ST8SIA2: variants seen among roughly 807,000 people sequenced by gnomAD.
ST8SIA2 encodes alpha-2,8-sialyltransferase 8B.
Under a neutral mutation model 37.6 loss-of-function variants are expected in ST8SIA2, and 22 were observed. The ratio of observed to expected loss-of-function variants is 0.58; its 90% confidence interval spans 0.42 to 0.83. ST8SIA2 has a LOEUF of 0.83. Among genes scored for constraint, ST8SIA2 ranks in the 40% least tolerant of loss-of-function variants. The pLI is 0.00. For missense variants in ST8SIA2, 382 were observed against 484.7 expected (o/e 0.79, Z 1.99); for synonymous variants, 205 against 201.2 (o/e 1.02, Z -0.16).
intron 2 of ST8SIA2, among the ~76,000 whole-genome samples, chr15:92,430,789 G>A (rs750560705): frequency 7.9e-5 from 12 of 152,092 alleles, no homozygotes; most frequent in East Asian, 5.8e-4. Flanking sequence ...CTTAAGGAGC[G>A]GTGGAAGGAA....
intron 5 of ST8SIA2, 28 bp from the exon 6 acceptor site, chr15:92,464,072 C>CTTT (rs34156050): frequency 0.015 from 18,791 of 1,247,706 alleles, 167 homozygotes; most frequent in South Asian, 0.03. Context: ...TGTTTCTTTT[C>CTTT]TTTTTTTTTT....
intron 4 of ST8SIA2, among the ~76,000 whole-genome samples, chr15:92,443,156 GT>G (rs2049815387): frequency 6.6e-6 from 1 of 152,156 alleles, no homozygotes; most frequent in Non-Finnish European, 1.5e-5. Context: ...GGATTTCTTC[GT>G]TTGATGATGA....
intron 5 of ST8SIA2, among the ~76,000 whole-genome samples, chr15:92,451,312 C>G (rs1053803959): frequency 6.6e-5 from 10 of 152,116 alleles, no homozygotes; most frequent in African/African-American, 2.4e-4. Flanking sequence ...GTTAGAAGAC[C>G]ACGGCAGGCA....
intron 1 of ST8SIA2, among the ~76,000 whole-genome samples, chr15:92,398,977 G>A (rs758815076): frequency 2.0e-5 from 3 of 152,204 alleles, no homozygotes; most frequent in African/African-American, 7.2e-5. Context: ...GAGGACCAGA[G>A]GAGGACTCTG....
intron 1 of ST8SIA2, among the ~76,000 whole-genome samples, chr15:92,398,853 T>C (rs1350189674): frequency 2.0e-5 from 3 of 152,212 alleles, no homozygotes; most frequent in African/African-American, 7.2e-5. Flanking sequence ...CGAATATATC[T>C]GAAGACCAAC....
intron 1 of ST8SIA2, among the ~76,000 whole-genome samples, chr15:92,413,664 TA>T (rs1355804534): frequency 6.6e-6 from 1 of 152,230 alleles, no homozygotes; most frequent in Non-Finnish European, 1.5e-5. Flanking sequence ...GTGATCTGCC[TA>T]GGACAAAAGG....
At chr15:92,445,040 C>T in intron 5 of ST8SIA2, 111 bp downstream of exon 5, 1 of 1,500,232 alleles carries the variant, frequency 6.7e-7, no homozygotes. Flanking sequence ...CACTCATTTG[C>T]TGGATGGCCT....
At chr15:92,412,247 G>A (rs2049554867) in intron 1 of ST8SIA2, among the ~76,000 whole-genome samples, 1 of 151,960 alleles carries the variant, frequency 6.6e-6, no homozygotes, top group African/African-American at 2.4e-5. Flanking sequence ...GAGTGCATCT[G>A]TAAAAATAAC....
intron 1 of ST8SIA2, among the ~76,000 whole-genome samples, chr15:92,419,189 G>A (rs545178739): frequency 1.1e-4 from 16 of 152,276 alleles, no homozygotes; most frequent in Non-Finnish European, 2.4e-4. Context: ...GCTGAAGAAT[G>A]TCATTGCAAG....
At chr15:92,419,178 G>A (rs1380879262) in intron 1 of ST8SIA2, among the ~76,000 whole-genome samples, 1 of 152,148 alleles carries the variant, frequency 6.6e-6, no homozygotes, top group Non-Finnish European at 1.5e-5. Context: ...GCCATCTGGG[G>A]GCTGAAGAAT....
chr15:92,402,859 G>GAC (rs386383811), intron 1 of ST8SIA2, among the ~76,000 whole-genome samples: 2 of 151,988 alleles, frequency 1.3e-5, no homozygotes, highest in Non-Finnish European at 2.9e-5. Context: ...CAGAGAGAGA[G>GAC]AGAGAGAGAG....
At position 92,438,293 on chromosome 15, in the gene ST8SIA2, G is replaced by A. The variant is rs2141834226; in HGVS notation, c.291-60G>A. 1.9e-6 allele frequency: 3 copies of A among 1,613,962 alleles called. No homozygotes were observed. The East Asian group carries it at 6.7e-5, about 36-fold the overall frequency. ...GGGCGACCCTGGATAGGAAAAGCTG[G>A]GCTGGCAAAGGGCAGCTGGCACCCT... On this transcript the variant is annotated intron_variant, in intron 3 of 5. Coordinates refer to ENST00000268164, the MANE Select transcript of ST8SIA2 (RefSeq NM_006011.4).
At position 92,441,577 on chromosome 15, in the gene ST8SIA2, GCACACACACA is replaced by G. The variant is rs112388744; in HGVS notation, c.548+3001_548+3010del. ...TGGGGAACAGAACTTCACTGTGCAT[GCACACACACA>G]CACACACACACACACACACACACAC... On this transcript the variant is annotated intron_variant, in intron 4 of 5. Transcript: ENST00000268164. Among the ~76,000 whole-genome samples, 1,177 of 143,126 alleles carry G rather than the reference GCACACACACA, an allele frequency of 8.2e-3. 3 individuals carry two copies. Among genetic ancestry groups the G allele is most frequent in the East Asian group, 0.013 (62 of 4,802 alleles). 93.9% of individuals were successfully genotyped at this position (143,126 alleles called of 152,430 possible).
At chr15:92,408,513 G>A (rs552574056) in intron 1 of ST8SIA2, among the ~76,000 whole-genome samples, 2 of 152,070 alleles carry the variant, frequency 1.3e-5, no homozygotes, top group Non-Finnish European at 2.9e-5. Flanking sequence ...GGGATGAAGG[G>A]GAGGGAGTAA....
intron 5 of ST8SIA2, among the ~76,000 whole-genome samples, chr15:92,450,814 C>T (rs2049876289): frequency 6.6e-6 from 1 of 152,218 alleles, no homozygotes; most frequent in South Asian, 2.1e-4. Flanking sequence ...GATATCACTT[C>T]ATACCCTCTA....
intron 1 of ST8SIA2, among the ~76,000 whole-genome samples, chr15:92,397,903 C>T (rs943649719): frequency 2.6e-5 from 4 of 152,198 alleles, no homozygotes; most frequent in Non-Finnish European, 4.4e-5. Flanking sequence ...GAGGCCGAGG[C>T]AGGTAGATCA....
At chr15:92,396,822 A>T (rs2049435565) in intron 1 of ST8SIA2, among the ~76,000 whole-genome samples, 1 of 152,160 alleles carries the variant, frequency 6.6e-6, no homozygotes, top group Admixed American at 6.5e-5. Flanking sequence ...TCATTCTTGG[A>T]ATTACCCCAA....
intron 5 of ST8SIA2, 25 bp from the exon 6 acceptor site, chr15:92,464,075 T>TTC: frequency 1.6e-6 from 2 of 1,245,324 alleles, no homozygotes; most frequent in Non-Finnish European, 1.1e-6. Flanking sequence ...TTCTTTTCTT[T>TTC]TTTTTTTTTT....
rs151150049 is a variant in ST8SIA2 at position 92,429,555 on chromosome 15, G to C, written c.99-494G>C. Among the ~76,000 whole-genome samples the C allele has an allele frequency of 1.4e-4, 22 of 152,332 alleles. 1 individual carries two copies. The East Asian group carries it at 2.3e-3, about 16-fold the overall frequency. On this transcript the variant is annotated intron_variant, in intron 1 of 5. Transcript: ENST00000268164. ...AGCAAATTATGATCACATTTGAATG[G>C]AGGCACTGTTGAGTTAACCTTGCTG... is the stretch of plus-strand genomic sequence containing the variant.
Sources: allele counts gnomAD v4.1 joint callset (sites outside exome capture counted in the v4.1 genomes callset), GRCh38; gene constraint gnomAD v4.1.1; transcripts MANE v1.5; gene names NCBI Gene and HGNC (gene_info 2026-07-23, HGNC 2026-07-21).